Variants in HNF4G observed in about 807,000 individuals in gnomAD.
HNF4G encodes the protein hepatocyte nuclear factor 4 gamma.
In HNF4G, 21 loss-of-function variants were observed where a neutral mutation model predicts 50.9. The observed-to-expected ratio is 0.41, with a 90% CI of 0.29 to 0.59. HNF4G has a LOEUF of 0.59. Among genes scored for constraint, HNF4G ranks in the 20% least tolerant of loss-of-function variants. The pLI, the probability that HNF4G is intolerant of heterozygous loss-of-function variation, is 0.26. For missense variants in HNF4G, 527 were observed against 559.4 expected (o/e 0.94, Z 0.58); for synonymous variants, 198 against 185.6 (o/e 1.07, Z -0.54).
intron 1 of HNF4G, among the ~76,000 whole-genome samples, chr8:75,430,500 GAGGGAGA>G (rs1427779406): frequency 6.2e-5 from 9 of 144,644 alleles, no homozygotes; most frequent in South Asian, 2.1e-4. Context: ...GAGAGAGAGA[GAGGGAGA>G]GAGAGAGAGA....
intron 9 of HNF4G, among the ~76,000 whole-genome samples, chr8:75,563,392 C>T (rs1392426598): frequency 1.3e-5 from 2 of 150,258 alleles, no homozygotes; most frequent in Non-Finnish European, 3.0e-5. Context: ...AAAGGGGATG[C>T]GACAGGCAAG....
At position 75,566,463 on chromosome 8, in the gene HNF4G, T is replaced by C. The variant is rs530963428; in HGVS notation, c.*2367T>C. On this transcript the variant is annotated 3_prime_UTR_variant, in exon 10 of 10. Coordinates refer to ENST00000396423, the MANE Select transcript of HNF4G (RefSeq NM_004133.5). ...TATATTTACTAAACAGCTGTATCTTTGAAATTGTTAGTAATGATTCTGCTT... is the reference window on the plus strand; with the variant it reads ...TATATTTACTAAACAGCTGTATCTTCGAAATTGTTAGTAATGATTCTGCTT... The C allele has an allele frequency of 6.5e-6, 1 of 152,696 alleles. No individual in the cohort carries two copies. Among genetic ancestry groups the C allele is most frequent in the African/African-American group, 2.4e-5 (1 of 41,568 alleles). The allele number at this position is 152,696 out of a possible 1,614,324, so 9.5% of individuals were successfully genotyped here.
At chr8:75,460,589 T>C (rs532889000) in intron 1 of HNF4G, among the ~76,000 whole-genome samples, 20 of 152,262 alleles carry the variant, frequency 1.3e-4, no homozygotes, top group Non-Finnish European at 2.5e-4. Context: ...GGATTTCCAA[T>C]GATAGGACAA....
In HNF4G at chr8:75,566,284, C is replaced by G. The variant is rs1056764632; in HGVS notation, c.*2188C>G. The G allele has an allele frequency of 6.6e-6, 1 of 152,164 alleles. No individual in the cohort carries two copies. Among genetic ancestry groups the G allele is most frequent in the Admixed American group, 6.5e-5 (1 of 15,276 alleles). The allele number at this position is 152,164 out of a possible 1,614,324, so 9.4% of individuals were successfully genotyped here. On this transcript the variant is annotated 3_prime_UTR_variant, in exon 10 of 10. Coordinates refer to ENST00000396423, the MANE Select transcript of HNF4G (RefSeq NM_004133.5). ...AAGATACTAATTCTCATGACTGAAT[C>G]ACCCTCCAAAGGCCCCACCTCCTAA...
intron 1 of HNF4G, among the ~76,000 whole-genome samples, chr8:75,471,664 G>C (rs992808520): frequency 6.6e-6 from 1 of 152,070 alleles, no homozygotes; most frequent in Non-Finnish European, 1.5e-5. Context: ...TGGTGTGATG[G>C]AAAGAGCATA....
intron 1 of HNF4G, among the ~76,000 whole-genome samples, chr8:75,459,917 C>T (rs1811805408): frequency 6.6e-6 from 1 of 152,096 alleles, no homozygotes; most frequent in Non-Finnish European, 1.5e-5. Context: ...CATGGAATTA[C>T]ATATTAAATC....
chr8:75,425,175 C>G (rs1446273770), intron 1 of HNF4G, among the ~76,000 whole-genome samples: 2 of 151,864 alleles, frequency 1.3e-5, no homozygotes, highest in East Asian at 3.9e-4. Context: ...AACTTTGTCT[C>G]CTAGGTTCAA....
intron 1 of HNF4G, among the ~76,000 whole-genome samples, chr8:75,436,059 A>G (rs537190206): frequency 8.2e-4 from 125 of 152,312 alleles, no homozygotes; most frequent in African/African-American, 2.7e-3. Flanking sequence ...ATATTCTGTT[A>G]TAATAGCAAC....
intron 2 of HNF4G, among the ~76,000 whole-genome samples, chr8:75,528,022 A>C (rs1806227905): frequency 1.3e-5 from 2 of 152,198 alleles, no homozygotes; most frequent in African/African-American, 4.8e-5. Context: ...TGATGGCAAT[A>C]CCTTTATCTC....
At chr8:75,562,463 A>C (rs1281594504) in intron 9 of HNF4G, among the ~76,000 whole-genome samples, 4 of 152,020 alleles carry the variant, frequency 2.6e-5, no homozygotes, top group African/African-American at 9.7e-5. Context: ...TTTAACAGAT[A>C]ATCAATAGCA....
chr8:75,444,193 A>C (rs972410267), intron 1 of HNF4G, among the ~76,000 whole-genome samples: 2 of 151,924 alleles, frequency 1.3e-5, no homozygotes, highest in African/African-American at 4.8e-5. Flanking sequence ...TCATAAGTGA[A>C]GGAGAAATAA....
intron 5 of HNF4G, 22 bp from the exon 6 acceptor site, chr8:75,555,960 A>G: frequency 7.4e-7 from 1 of 1,351,420 alleles, no homozygotes; most frequent in Non-Finnish European, 1.0e-6. Context: ...ATTAATTGTT[A>G]AACTGAGAAT....
At chr8:75,445,883 C>T (rs1280810409) in intron 1 of HNF4G, among the ~76,000 whole-genome samples, 6 of 53,522 alleles carry the variant, frequency 1.1e-4, no homozygotes, top group African/African-American at 6.1e-4. Flanking sequence ...CCTTCTGAAA[C>T]AATTCCAATC....
chr8:75,522,778 C>T (rs534661100), intron 2 of HNF4G, among the ~76,000 whole-genome samples: 1 of 152,178 alleles, frequency 6.6e-6, no homozygotes, highest in South Asian at 2.1e-4. Flanking sequence ...TAATATGTTA[C>T]CTAAATTTTG....
chr8:75,537,146 T>C (rs553176883), upstream of HNF4G, among the ~76,000 whole-genome samples: 292 of 152,320 alleles, frequency 1.9e-3, 1 homozygote, highest in South Asian at 4.8e-3. Context: ...TTACCTAGTG[T>C]ATGACTGCCA....
rs540455913 is a variant in HNF4G, at chr8:75,493,227, C to T, written c.-24+3019C>T. Among the ~76,000 whole-genome samples the T allele has an allele frequency of 2.6e-5, 4 of 152,030 alleles. No homozygotes were observed. In the South Asian group the frequency reaches 8.3e-4, roughly 32 times the overall value. On this transcript the variant is annotated intron_variant, in intron 2 of 10. Transcript: ENST00000354370. ...TGTTAAACAATTTTAGAAAAGACAG[C>T]AAGGTATATATCTGGAGGGAAAGGA...
chr8:75,526,803 G>T (rs545892301), intron 2 of HNF4G, among the ~76,000 whole-genome samples: 2 of 146,784 alleles, frequency 1.4e-5, no homozygotes, highest in East Asian at 2.0e-4. Flanking sequence ...GTCTCGTTCT[G>T]TCGCCCGGGC....
intron 2 of HNF4G, among the ~76,000 whole-genome samples, chr8:75,530,999 G>T (rs560385656): frequency 6.6e-6 from 1 of 151,966 alleles, no homozygotes; most frequent in Non-Finnish European, 1.5e-5. Flanking sequence ...TCACCATGTT[G>T]TGCAGGCTGG....
intron 1 of HNF4G, among the ~76,000 whole-genome samples, chr8:75,418,292 T>C (rs1348410364): frequency 1.3e-5 from 2 of 152,162 alleles, no homozygotes. Context: ...CTTACCTTAG[T>C]TATTTCTTTC....
Sources: allele counts gnomAD v4.1 joint callset (sites outside exome capture counted in the v4.1 genomes callset), GRCh38; gene constraint gnomAD v4.1.1; transcripts MANE v1.5; gene names NCBI Gene and HGNC (gene_info 2026-07-23, HGNC 2026-07-21).